Variants in VCPIP1 observed in about 807,000 individuals in gnomAD.
The protein encoded by VCPIP1 is valosin containing protein interacting protein 1.
In VCPIP1, 8 loss-of-function variants were observed where a neutral mutation model predicts 85.0. The observed-to-expected ratio is 0.09, with a 90% CI of 0.06 to 0.17. The LOEUF is 0.17. VCPIP1 is among the 10% of genes least tolerant of loss of function. The probability of loss-of-function intolerance (pLI) is 1.00; values close to 1 mark genes in which losing one functional copy is unlikely to be tolerated. For missense variants in VCPIP1, 1,070 were observed against 1,486.3 expected (o/e 0.72, Z 4.61); for synonymous variants, 543 against 544.5 (o/e 1.00, Z 0.04).
intron 1 of VCPIP1, among the ~76,000 whole-genome samples, chr8:66,662,734 T>C (rs1434903838): frequency 1.3e-5 from 2 of 151,126 alleles, no homozygotes; most frequent in African/African-American, 4.9e-5. Flanking sequence ...CAGGCTGGAG[T>C]GCCGTGGCGC....
At chr8:66,638,323 A>G (rs60784079) in intron 2 of VCPIP1, among the ~76,000 whole-genome samples, 20,201 of 151,872 alleles carry the variant, frequency 0.13, 3,208 homozygotes, top group African/African-American at 0.38. Flanking sequence ...TCACCTCTAC[A>G]AAAAATTTAA....
In VCPIP1 at chr8:66,667,185, A is replaced by C. The variant is rs1361648665; in HGVS notation, c.-227T>G. 7.2e-6 allele frequency: 6 copies of C among 838,462 alleles called. No homozygotes were observed. The highest frequency in any genetic ancestry group is 2.6e-5 in the South Asian group (1 of 38,236). The allele number at this position is 838,462 out of a possible 1,614,324, so 51.9% of individuals were successfully genotyped here. ...CCCCGAACGTAACGGCCACCACCCC[A>C]CCCCGCACTCACACTCACTCACTCT... On this transcript the variant is annotated 5_prime_UTR_variant, in exon 1 of 3. Transcript: ENST00000310421.
At chr8:66,640,915 A>G (rs767523940) in intron 2 of VCPIP1, among the ~76,000 whole-genome samples, 1 of 152,224 alleles carries the variant, frequency 6.6e-6, no homozygotes, top group Non-Finnish European at 1.5e-5. Flanking sequence ...GGGTACCAAG[A>G]GGGTGGGTGC....
chr8:66,651,444 C>A lies in VCPIP1; in HGVS notation c.2797+14G>T. The A allele has an allele frequency of 6.3e-7, 1 of 1,580,090 alleles. No individual in the cohort carries two copies. Among genetic ancestry groups the A allele is most frequent in the South Asian group, 1.2e-5 (1 of 85,586 alleles). On this transcript the variant is annotated intron_variant, in intron 2 of 2. Transcript: ENST00000310421. Reference sequence around the variant, plus strand: ...TAGAGCTATTATTTAAGAATAAAATCAAATTAACTATACCCATGGTTTTCT... The same window carrying A: ...TAGAGCTATTATTTAAGAATAAAATAAAATTAACTATACCCATGGTTTTCT...
At position 66,656,088 on chromosome 8, in the gene VCPIP1, T is replaced by A. The variant is rs1214039868; in HGVS notation, c.2711-4544A>T. 3.9e-5 allele frequency among the ~76,000 whole-genome samples: 6 copies of A among 152,306 alleles called. No homozygotes were observed. In the South Asian group the frequency reaches 8.3e-4, roughly 21 times the overall value. On this transcript the variant is annotated intron_variant, in intron 1 of 2. Transcript: ENST00000310421. ...TTAAAATATGTTAAAATACATTTTT[T>A]AAAATGTATTTTTTCTAATTTTTTT...
chr8:66,650,631 A>G (rs563013016), intron 2 of VCPIP1, among the ~76,000 whole-genome samples: 5 of 152,142 alleles, frequency 3.3e-5, no homozygotes, highest in Non-Finnish European at 4.4e-5. Context: ...GCAATAAGAT[A>G]TACGCTAAAT....
In VCPIP1 at chr8:66,665,078, C is replaced by A. The variant is rs749138699; in HGVS notation, c.1881G>T (p.Met627Ile). 6 of 1,613,934 alleles carry A rather than the reference C, an allele frequency of 3.7e-6. No individual in the cohort carries two copies. The East Asian group carries it at 1.1e-4, about 30-fold the overall frequency. ...SLNSNVYDVA[M>I]KLVTKHFPGE... ...CTGGAAAGTGCTTGGTAACAAGTTT[C>A]ATTGCAACATCGTAAACATTACTAT... The change falls in exon 1 of 3, where the codon ATG becomes ATT. Residue 627 changes from methionine (M) to isoleucine (I), a missense_variant. Physicochemically the swap from Met to Ile is conservative, Grantham distance 10. Transcript: ENST00000310421. This position sits in a 1 kb window ranked among gnomAD's most constrained non-coding sequence, Gnocchi z 4.3.
At chr8:66,647,626 G>A (rs1171018290) in intron 2 of VCPIP1, among the ~76,000 whole-genome samples, 2 of 152,092 alleles carry the variant, frequency 1.3e-5, no homozygotes, top group Non-Finnish European at 2.9e-5. Context: ...TAACTTCACT[G>A]AGGTATATTT....
intron 2 of VCPIP1, among the ~76,000 whole-genome samples, chr8:66,650,059 C>CT (rs34674749): frequency 0.14 from 20,177 of 147,454 alleles, 3,140 homozygotes; most frequent in African/African-American, 0.38. Context: ...GTAATAATGA[C>CT]TTTTTTTTTT....
intron 2 of VCPIP1, among the ~76,000 whole-genome samples, chr8:66,645,749 C>T (rs868748312): frequency 7.2e-6 from 1 of 139,354 alleles, no homozygotes; most frequent in African/African-American, 3.0e-5. Flanking sequence ...ATGGCAAAAC[C>T]CTGTCTCTAC....
intron 2 of VCPIP1, among the ~76,000 whole-genome samples, chr8:66,638,982 A>C (rs1268567185): frequency 5.7e-5 from 8 of 139,514 alleles, no homozygotes; most frequent in African/African-American, 1.4e-4. Context: ...ATATATATAT[A>C]TATACATATA....
intron 2 of VCPIP1, among the ~76,000 whole-genome samples, chr8:66,642,259 A>C (rs1373593418): frequency 3.9e-5 from 6 of 152,266 alleles, no homozygotes; most frequent in Non-Finnish European, 8.8e-5. Flanking sequence ...AAATTTATTC[A>C]TATCTTTTGC....
At chr8:66,653,881 A>G (rs534605186) in intron 1 of VCPIP1, among the ~76,000 whole-genome samples, 4 of 152,294 alleles carry the variant, frequency 2.6e-5, no homozygotes, top group Admixed American at 1.3e-4. Flanking sequence ...TATATTAATC[A>G]TAAGATTTTT....
At position 66,664,903 on chromosome 8, in the gene VCPIP1, ACT is replaced by A; in HGVS notation, c.2054_2055del (p.Glu685ValfsTer6). 1 of 1,614,102 alleles carries A rather than the reference ACT, an allele frequency of 6.2e-7. No homozygotes were observed. Among genetic ancestry groups the A allele is most frequent in the Non-Finnish European group, 8.5e-7 (1 of 1,180,024 alleles). ...AGAATAATTTTAGTTGGGAGCTGAG[ACT>A]CTGATTCTTGTCCTTGAACATCTCC... ...RVGDVQGQES[E>X]SQLPTKIILT... is the part of the protein sequence containing the mutation. On this transcript the variant is annotated frameshift_variant, in exon 1 of 3. Transcript: ENST00000310421. LOFTEE classifies it high-confidence loss of function.
chr8:66,661,539 T>C (rs1283348871), intron 1 of VCPIP1, among the ~76,000 whole-genome samples: 2 of 151,984 alleles, frequency 1.3e-5, no homozygotes, highest in Middle Eastern at 3.4e-3. Flanking sequence ...ATTGAGACCA[T>C]CCCAGCTAAC....
chr8:66,631,957 A>G lies in VCPIP1; in HGVS notation c.*2544T>C, dbSNP rs1810837913. 6.6e-6 allele frequency: 1 copy of G among 152,484 alleles called. No homozygotes were observed. The highest frequency in any genetic ancestry group is 1.5e-5 in the Non-Finnish European group (1 of 67,928). The allele number at this position is 152,484 out of a possible 1,614,324, so 9.4% of individuals were successfully genotyped here. ...CAACTTAAATTTGGTATGATTAACT[A>G]TAAAATGGATTACTGAAGAAAAAAT... On this transcript the variant is annotated 3_prime_UTR_variant, in exon 3 of 3. Coordinates refer to ENST00000310421, the MANE Select transcript of VCPIP1 (RefSeq NM_025054.5).
intron 2 of VCPIP1, among the ~76,000 whole-genome samples, chr8:66,636,740 T>C (rs1810891284): frequency 6.7e-6 from 1 of 148,730 alleles, no homozygotes; most frequent in Non-Finnish European, 1.5e-5. Flanking sequence ...CAAGACTCCA[T>C]CTAAAAAAAA....
intron 2 of VCPIP1, among the ~76,000 whole-genome samples, chr8:66,638,985 T>C (rs542023670): frequency 1.7e-3 from 260 of 149,030 alleles, no homozygotes; most frequent in East Asian, 9.4e-3. Context: ...TATATATATA[T>C]ACATATATTT....
intron 1 of VCPIP1, 40 bp downstream of exon 1, chr8:66,664,209 T>C: frequency 6.7e-7 from 1 of 1,497,312 alleles, no homozygotes; most frequent in South Asian, 1.4e-5. Flanking sequence ...TGTATTATAT[T>C]TACAATTAAG....
Sources: allele counts gnomAD v4.1 joint callset (sites outside exome capture counted in the v4.1 genomes callset), GRCh38; gene constraint gnomAD v4.1.1; non-coding constraint Gnocchi (gnomAD v3.1); transcripts MANE v1.5; gene names NCBI Gene and HGNC (gene_info 2026-07-23, HGNC 2026-07-21).